BCO1: variants seen among roughly 807,000 people sequenced by gnomAD.
BCO1 encodes beta-carotene oxygenase 1.
A neutral mutation model predicts 56.3 loss-of-function variants in BCO1; 54 were observed. The observed-to-expected ratio is 0.96, with a 90% CI of 0.77 to 1.20. The LOEUF (loss-of-function observed/expected upper bound fraction) is 1.20, where lower values mean the gene tolerates loss of function less well. BCO1 is among the 50% of genes most tolerant of loss of function. The pLI is 0.00. For synonymous variants in BCO1, 318 were observed against 266.1 expected (o/e 1.20, Z -1.90); for missense variants, 801 against 690.9 (o/e 1.16, Z -1.79).
rs533436911 is a variant in BCO1, at chr16:81,276,991, C to T, written c.1102-3866C>T. On this transcript the variant is annotated intron_variant, in intron 7 of 10. Coordinates refer to ENST00000258168, the MANE Select transcript of BCO1 (RefSeq NM_017429.3). Reference sequence around the variant, plus strand: ...CTGAGGCAGGGGAACTGCTCGAACCCGGGAGGCGGAGGTTGCAGTGAGCTG... The same window carrying T: ...CTGAGGCAGGGGAACTGCTCGAACCTGGGAGGCGGAGGTTGCAGTGAGCTG... 1.7e-4 allele frequency among the ~76,000 whole-genome samples: 23 copies of T among 139,082 alleles called. No individual in the cohort carries two copies. In the East Asian group the frequency reaches 4.0e-3, roughly 24 times the overall value. 91.2% of individuals were successfully genotyped at this position (139,082 alleles called of 152,430 possible). A position where few individuals can be genotyped will look rare whatever the true frequency, so the allele number is the denominator to read the frequency against.
At chr16:81,245,273 A>G (rs906106862) in intron 1 of BCO1, among the ~76,000 whole-genome samples, 6 of 152,180 alleles carry the variant, frequency 3.9e-5, no homozygotes, top group African/African-American at 7.2e-5. Context: ...GAGGACAGGG[A>G]CAGTGTCTCC....
intron 2 of BCO1, among the ~76,000 whole-genome samples, chr16:81,258,040 G>A (rs1045645550): frequency 6.6e-6 from 1 of 152,054 alleles, no homozygotes; most frequent in Non-Finnish European, 1.5e-5. Context: ...CAGGAGACAG[G>A]GGTCACAGTG....
chr16:81,287,862 C>T (rs1394534077), intron 10 of BCO1, among the ~76,000 whole-genome samples: 1 of 151,360 alleles, frequency 6.6e-6, no homozygotes, highest in Admixed American at 6.6e-5. Flanking sequence ...GTATTACTGC[C>T]AGCCAGGAAG....
chr16:81,248,172 C>T lies in BCO1; in HGVS notation c.193+2569C>T, dbSNP rs796201149. ...TTCCCAGCACTTTGGGAGGCCGAGG[C>T]GGGTGGATCACCTGAGATCAGGAGT... On this transcript the variant is annotated intron_variant, in intron 2 of 10. Coordinates refer to ENST00000258168, the MANE Select transcript of BCO1 (RefSeq NM_017429.3). 1.6e-4 allele frequency among the ~76,000 whole-genome samples: 25 copies of T among 151,868 alleles called. 1 individual carries two copies. The highest frequency in any genetic ancestry group is 5.8e-4 in the African/African-American group (24 of 41,420).
In BCO1 at chr16:81,238,966, G is replaced by C. The variant is rs747820378; in HGVS notation, c.58G>C (p.Val20Leu). ...KEQLEPVRAKVTGKIPAWLQG... is the reference protein window; with the variant it reads ...KEQLEPVRAKLTGKIPAWLQG... ...ACAGCTGGAGCCTGTGAGGGCCAAA[G>C]TGACAGGTGAGCATTCTGATAAACA... is the stretch of plus-strand genomic sequence containing the variant. The change falls in exon 1 of 11, where the codon GTG (valine) becomes CTG (leucine). Residue 20 changes from valine (V) to leucine (L), a missense_variant. By Grantham distance (32) the Val-to-Leu change is conservative. Coordinates refer to ENST00000258168, the MANE Select transcript of BCO1 (RefSeq NM_017429.3). The C allele has an allele frequency of 1.9e-6, 3 of 1,613,560 alleles. No homozygotes were observed. The highest frequency in any genetic ancestry group is 2.5e-6 in the Non-Finnish European group (3 of 1,179,710).
chr16:81,245,041 C>G (rs1905319242), intron 1 of BCO1, among the ~76,000 whole-genome samples: 1 of 152,100 alleles, frequency 6.6e-6, no homozygotes, highest in Non-Finnish European at 1.5e-5. Flanking sequence ...CAGGCGCTCA[C>G]TATGACGCCC....
At chr16:81,250,261 C>T (rs1398087847) in intron 2 of BCO1, among the ~76,000 whole-genome samples, 2 of 152,242 alleles carry the variant, frequency 1.3e-5, no homozygotes, top group East Asian at 3.9e-4. Flanking sequence ...CTTCAGAATC[C>T]CAAGTCCTAA....
At chr16:81,262,677 A>G (rs1906561063) in intron 4 of BCO1, 3 of 321,712 alleles carry the variant, frequency 9.3e-6, no homozygotes, top group South Asian at 8.0e-5. Context: ...AAAATACAAA[A>G]ATTAGCCAGG....
At chr16:81,288,780 C>G (rs926838507) in intron 10 of BCO1, among the ~76,000 whole-genome samples, 1 of 152,200 alleles carries the variant, frequency 6.6e-6, no homozygotes, top group Non-Finnish European at 1.5e-5. Context: ...GGGGATGCCA[C>G]CTGGCCACAC....
intron 7 of BCO1, among the ~76,000 whole-genome samples, chr16:81,279,614 T>C (rs1416038912): frequency 6.6e-6 from 1 of 152,202 alleles, no homozygotes; most frequent in Non-Finnish European, 1.5e-5. Context: ...GCTATTAATA[T>C]ACACATAAGG....
intron 2 of BCO1, among the ~76,000 whole-genome samples, chr16:81,248,959 T>C (rs1029533300): frequency 6.6e-6 from 1 of 151,842 alleles, no homozygotes; most frequent in Non-Finnish European, 1.5e-5. Context: ...CTGTGGTGAG[T>C]TGAGATCATG....
intron 6 of BCO1, among the ~76,000 whole-genome samples, chr16:81,269,953 G>A (rs1024411839): frequency 6.6e-6 from 1 of 152,204 alleles, no homozygotes; most frequent in Non-Finnish European, 1.5e-5. Context: ...CCATCTGAAA[G>A]ATATACTTAT....
chr16:81,254,407 T>C (rs1257624531), intron 2 of BCO1, among the ~76,000 whole-genome samples: 2 of 143,494 alleles, frequency 1.4e-5, no homozygotes, highest in Non-Finnish European at 3.0e-5. Context: ...CATCTTGGCC[T>C]CCCAAAGTGC....
chr16:81,282,828 A>C (rs974823356), intron 8 of BCO1, among the ~76,000 whole-genome samples: 14 of 152,198 alleles, frequency 9.2e-5, no homozygotes, highest in Non-Finnish European at 2.1e-4. Flanking sequence ...GGATTGTGTG[A>C]CATAGGCCGG....
rs758890015 is a variant in BCO1, at chr16:81,287,364, C to T, written c.1372C>T (p.Pro458Ser). The T allele has an allele frequency of 3.1e-6, 5 of 1,614,008 alleles. No individual in the cohort carries two copies. Among genetic ancestry groups the T allele is most frequent in the East Asian group, 4.5e-5 (2 of 44,880 alleles). Residue 458 changes from proline to serine, a missense_variant, in exon 10 of 11, where the codon CCC becomes TCC. Physicochemically the swap from Pro to Ser is moderately conservative, Grantham distance 74. Coordinates refer to ENST00000258168, the MANE Select transcript of BCO1 (RefSeq NM_017429.3). ...AGAGGACGACTGCTGGCCAGCGGAA[C>T]CCCTGTTTGTGCCCGCGCCAGGTGC... ...WREDDCWPAE[P>S]LFVPAPGAKD...
intron 2 of BCO1, among the ~76,000 whole-genome samples, chr16:81,255,089 C>T (rs1176953591): frequency 1.3e-5 from 2 of 152,136 alleles, no homozygotes; most frequent in Non-Finnish European, 2.9e-5. Flanking sequence ...GGCCCCAGGT[C>T]CTGTTTCTTG....
rs749097919 is a variant in BCO1, at chr16:81,259,678, G to A, written c.196G>A (p.Glu66Lys). The A allele has an allele frequency of 1.2e-6, 2 of 1,614,204 alleles. No homozygotes were observed. The highest frequency in any genetic ancestry group is 1.7e-6 in the Non-Finnish European group (2 of 1,180,028). ...TTATGCTGGTTCTTCTCTTGCAGGT[G>A]AAGTCTATTACAGGAGCAAATACCT... Reference protein sequence around the residue: ...LLHSFTIRDGEVYYRSKYLRS... With the variant: ...LLHSFTIRDGKVYYRSKYLRS... Residue 66 changes from glutamate to lysine, a missense_variant and splice_region_variant, in exon 3 of 11, where the codon GAA (glutamate) becomes AAA (lysine). Transcript: ENST00000258168.
intron 10 of BCO1, among the ~76,000 whole-genome samples, chr16:81,288,482 C>T: frequency 6.6e-6 from 1 of 152,150 alleles, no homozygotes; most frequent in East Asian, 1.9e-4. Context: ...CCAGGCTGGT[C>T]TCAAACTCTT....
rs58607661 is a variant in BCO1 at position 81,280,269 on chromosome 16, C to CAAAAA, written c.1102-553_1102-549dup. Among the ~76,000 whole-genome samples, 11 of 36,906 alleles carry CAAAAA rather than the reference C, an allele frequency of 3.0e-4. 2 individuals are homozygous for CAAAAA. Among genetic ancestry groups the CAAAAA allele is most frequent in the African/African-American group, 9.4e-4 (11 of 11,692 alleles). The allele number at this position is 36,906 out of a possible 152,430, so 24.2% of individuals were successfully genotyped here. ...TGGGCAACAGAGTGAGACTCCATCTCAAAAAAAAAAAAAAAAAAAAAAAAA... is the reference window on the plus strand; with the variant it reads ...TGGGCAACAGAGTGAGACTCCATCTCAAAAAAAAAAAAAAAAAAAAAAAAAAAAAA... On this transcript the variant is annotated intron_variant, in intron 7 of 10. Transcript: ENST00000258168.
Sources: allele counts gnomAD v4.1 joint callset (sites outside exome capture counted in the v4.1 genomes callset), GRCh38; gene constraint gnomAD v4.1.1; transcripts MANE v1.5; gene names NCBI Gene and HGNC (gene_info 2026-07-23, HGNC 2026-07-21).